PDE4B: variants seen among roughly 807,000 people sequenced by gnomAD.
The protein encoded by PDE4B is phosphodiesterase 4B.
In PDE4B, 20 loss-of-function variants were observed where a neutral mutation model predicts 82.2. The ratio of observed to expected loss-of-function variants is 0.24; its 90% CI spans 0.17 to 0.35. PDE4B has a LOEUF of 0.35. Among genes scored for constraint, PDE4B ranks in the 10% least tolerant of loss-of-function variants. PDE4B has a pLI of 1.00. For synonymous variants in PDE4B, 320 were observed against 318.9 expected, an observed-to-expected ratio of 1.00 and a Z score of -0.04; for missense variants, 655 against 907.2, an observed-to-expected ratio of 0.72 and a Z score of 3.57.
chr1:65,958,801 CCTTAT>C (rs1339882744), intron 3 of PDE4B, among the ~76,000 whole-genome samples: 2 of 151,990 alleles, frequency 1.3e-5, no homozygotes, highest in East Asian at 1.9e-4. Context: ...CATAGTGTTA[CCTTAT>C]CTTTTTAACC....
At chr1:66,158,154 C>T (rs1425519081) in intron 3 of PDE4B, among the ~76,000 whole-genome samples, 1 of 152,094 alleles carries the variant, frequency 6.6e-6, no homozygotes, top group African/African-American at 2.4e-5. Flanking sequence ...TAGGAATTCA[C>T]AAATTTTAAA....
chr1:65,840,992 C>A (rs527801363), intron 1 of PDE4B, among the ~76,000 whole-genome samples: 1 of 152,050 alleles, frequency 6.6e-6, no homozygotes, highest in Non-Finnish European at 1.5e-5. Context: ...TAACAATATT[C>A]GAATGAAATC....
chr1:66,005,619 T>C (rs1312431444), intron 3 of PDE4B, among the ~76,000 whole-genome samples: 1 of 152,142 alleles, frequency 6.6e-6, no homozygotes, highest in Non-Finnish European at 1.5e-5. Flanking sequence ...ACTCACAGCT[T>C]AGTAACATTG....
chr1:66,075,600 T>C (rs777221375), intron 3 of PDE4B, among the ~76,000 whole-genome samples: 19 of 152,032 alleles, frequency 1.2e-4, no homozygotes, highest in Non-Finnish European at 1.3e-4. Flanking sequence ...TGTGAATAAA[T>C]TTTTAGGAAA....
chr1:66,006,051 T>C (rs1342523496), intron 3 of PDE4B, among the ~76,000 whole-genome samples: 1 of 152,206 alleles, frequency 6.6e-6, no homozygotes, highest in African/African-American at 2.4e-5. Context: ...GAAAAAAAGT[T>C]TCTAAAAAAG....
chr1:66,284,787 C>A (rs960978596), intron 7 of PDE4B, among the ~76,000 whole-genome samples: 3 of 152,100 alleles, frequency 2.0e-5, no homozygotes, highest in Non-Finnish European at 2.9e-5. Context: ...GGACATTAGA[C>A]AGGAAAGATG....
At chr1:66,161,277 AACACAC>A (rs77927266) in intron 3 of PDE4B, among the ~76,000 whole-genome samples, 1 of 149,656 alleles carries the variant, frequency 6.7e-6, no homozygotes, top group Non-Finnish European at 1.5e-5. Context: ...GTCAAACCTG[AACACAC>A]ACACACACAC....
At chr1:66,248,943 T>C (rs1183576265) in intron 4 of PDE4B, among the ~76,000 whole-genome samples, 5 of 152,168 alleles carry the variant, frequency 3.3e-5, no homozygotes, top group Admixed American at 6.5e-5. Flanking sequence ...CTCTGAGAGA[T>C]TGAGAAACTT....
chr1:66,062,842 T>C (rs545300247), intron 3 of PDE4B: 12 of 152,226 alleles, frequency 7.9e-5, no homozygotes, highest in Admixed American at 2.6e-4. Flanking sequence ...TATTTAAAAT[T>C]GTTGACCATT....
At chr1:65,814,274 C>T (rs994530391) in intron 1 of PDE4B, among the ~76,000 whole-genome samples, 1 of 152,100 alleles carries the variant, frequency 6.6e-6, no homozygotes, top group Non-Finnish European at 1.5e-5. Flanking sequence ...ATCCTTATAA[C>T]AATATTTAAG....
intron 3 of PDE4B, among the ~76,000 whole-genome samples, chr1:66,180,676 G>A (rs1440884850): frequency 1.3e-5 from 2 of 152,186 alleles, no homozygotes; most frequent in East Asian, 3.9e-4. Context: ...TATGACACTG[G>A]CAAGATTTGG....
intron 1 of PDE4B, among the ~76,000 whole-genome samples, chr1:65,841,269 C>T (rs936390141): frequency 2.6e-5 from 4 of 151,556 alleles, no homozygotes; most frequent in African/African-American, 9.7e-5. Flanking sequence ...ACTTCATTCA[C>T]TCCAGCCTGG....
At position 66,035,107 on chromosome 1, in the gene PDE4B, A is replaced by G. The variant is rs115356509; in HGVS notation, c.281+116272A>G. The stretch of plus-strand genomic sequence containing the variant: ...AATCCATTACTTACCCTCATTAAAT[A>G]CAGTTTGGATCATTTCCCAGAGTCA... On this transcript the variant is annotated intron_variant, in intron 3 of 16. Transcript: ENST00000341517. 7.8e-4 allele frequency among the ~76,000 whole-genome samples: 119 copies of G among 152,326 alleles called. 1 individual carries two copies. The highest frequency in any genetic ancestry group is 2.7e-3 in the African/African-American group (114 of 41,580).
At chr1:66,149,584 G>T (rs11208806) in intron 3 of PDE4B, among the ~76,000 whole-genome samples, 2,390 of 152,256 alleles carry the variant, frequency 0.016, 57 homozygotes, top group African/African-American at 0.055. Flanking sequence ...GTTTGGGGGT[G>T]CTGGGGTGCT....
chr1:66,223,281 G>A lies in PDE4B; in HGVS notation c.282-24179G>A, dbSNP rs574333825. On this transcript the variant is annotated intron_variant, in intron 3 of 16. Coordinates refer to ENST00000341517, the MANE Select transcript of PDE4B (RefSeq NM_002600.4). ...TCATGTCAGATAAGATTCTCAGACAGAACACCCTCAAGGAGGTGATGTCTG... is the reference window on the plus strand; with the variant it reads ...TCATGTCAGATAAGATTCTCAGACAAAACACCCTCAAGGAGGTGATGTCTG... Among the ~76,000 whole-genome samples, 7 of 152,266 alleles carry A rather than the reference G, an allele frequency of 4.6e-5. No homozygotes were observed. In the South Asian group the frequency reaches 1.2e-3, roughly 27 times the overall value.
chr1:65,986,780 C>T (rs138588222), intron 3 of PDE4B, among the ~76,000 whole-genome samples: 2 of 152,152 alleles, frequency 1.3e-5, no homozygotes, highest in African/African-American at 2.4e-5. Context: ...TAAGTAATAT[C>T]GACTATGATA....
chr1:66,058,685 C>A (rs1655428750), intron 3 of PDE4B, among the ~76,000 whole-genome samples: 1 of 152,186 alleles, frequency 6.6e-6, no homozygotes, highest in African/African-American at 2.4e-5. Context: ...GTACCTTGGC[C>A]CCTTTTAGTC....
intron 7 of PDE4B, among the ~76,000 whole-genome samples, chr1:66,314,016 A>G (rs1658849307): frequency 6.6e-6 from 1 of 152,050 alleles, no homozygotes; most frequent in South Asian, 2.1e-4. Context: ...GTCCCACTCT[A>G]AGGCTTTGTG....
At chr1:66,005,995 A>G (rs911737419) in intron 3 of PDE4B, among the ~76,000 whole-genome samples, 2 of 152,220 alleles carry the variant, frequency 1.3e-5, no homozygotes, top group Non-Finnish European at 2.9e-5. Flanking sequence ...TGTTCACGGA[A>G]TGCTCTGCCT....
Sources: gnomAD v4.1 joint callset for allele counts (sites outside exome capture counted in the v4.1 genomes callset) on GRCh38, gnomAD v4.1.1 for gene constraint, MANE v1.5 for transcripts, NCBI Gene and HGNC (gene_info 2026-07-23, HGNC 2026-07-21) for gene names.